Variants in TMEM120B observed in about 807,000 individuals in gnomAD.
TMEM120B encodes transmembrane protein 120B.
A neutral mutation model predicts 55.5 loss-of-function variants in TMEM120B; 31 were observed. That is an observed-to-expected ratio of 0.56 (90% CI 0.42 to 0.75). The LOEUF (loss-of-function observed/expected upper bound fraction) is 0.75, where lower values mean the gene tolerates loss of function less well. TMEM120B is among the 30% of genes least tolerant of loss of function. TMEM120B has a pLI of 0.00. For synonymous variants in TMEM120B, 203 were observed against 176.3 expected (o/e 1.15, Z -1.20); for missense variants, 399 against 425.5 (o/e 0.94, Z 0.55).
At chr12:121,738,766 C>A (rs1199171286) in intron 1 of TMEM120B, among the ~76,000 whole-genome samples, 5 of 152,196 alleles carry the variant, frequency 3.3e-5, no homozygotes, top group Non-Finnish European at 7.3e-5. Context: ...CTGGCAGGAG[C>A]CACTAATAAG....
chr12:121,723,190 G>A (rs1894830111), intron 1 of TMEM120B, among the ~76,000 whole-genome samples: 1 of 151,950 alleles, frequency 6.6e-6, no homozygotes, highest in South Asian at 2.1e-4. Flanking sequence ...TAAGAGAGAG[G>A]GGGGTCTAAC....
At chr12:121,717,150 TC>T (rs140628450) in intron 1 of TMEM120B, among the ~76,000 whole-genome samples, 1 of 152,284 alleles carries the variant, frequency 6.6e-6, no homozygotes, top group African/African-American at 2.4e-5. Flanking sequence ...GCTCCTGGTC[TC>T]CTGGCCTGTG....
chr12:121,781,475 C>A lies in TMEM120B; in HGVS notation c.*5753C>A. 2.7e-6 allele frequency: 1 copy of A among 373,144 alleles called. No homozygotes were observed. The highest frequency in any genetic ancestry group is 5.0e-6 in the Non-Finnish European group (1 of 199,028). 23.1% of individuals were successfully genotyped at this position (373,144 alleles called of 1,614,324 possible). A position where few individuals can be genotyped will look rare whatever the true frequency, so the allele number is the denominator to read the frequency against. ...GACAGAGCGAGACCCTGTCTCTTAA[C>A]AACAAAACCCATGAGCGGCAGCCCC... is the stretch of plus-strand genomic sequence containing the variant. On this transcript the variant is annotated 3_prime_UTR_variant, in exon 12 of 12. Coordinates refer to ENST00000449592, the MANE Select transcript of TMEM120B (RefSeq NM_001080825.2).
chr12:121,729,230 T>C (rs1010504493), intron 1 of TMEM120B, among the ~76,000 whole-genome samples: 21 of 152,346 alleles, frequency 1.4e-4, no homozygotes, highest in African/African-American at 5.0e-4. Flanking sequence ...CCAAGGTTGC[T>C]TGGAGGCTTG....
chr12:121,761,562 T>C, intron 5 of TMEM120B, 87 bp from the exon 6 acceptor site: 1 of 995,516 alleles, frequency 1.0e-6, no homozygotes, highest in Admixed American at 1.8e-5. Context: ...GCCCTCAGCC[T>C]GGTTTGCTGC....
chr12:121,750,871 A>C (rs1592938299), intron 4 of TMEM120B, among the ~76,000 whole-genome samples: 1 of 66,418 alleles, frequency 1.5e-5, no homozygotes. Context: ...CCCCACACCC[A>C]CACCACACAC....
intron 2 of TMEM120B, among the ~76,000 whole-genome samples, chr12:121,746,957 CA>C (rs57485968): frequency 0.11 from 13,154 of 119,122 alleles, 993 homozygotes; most frequent in African/African-American, 0.25. Context: ...GACTCTGTCT[CA>C]AAAAAAAAAA....
chr12:121,728,217 C>A (rs1016140391), intron 1 of TMEM120B, among the ~76,000 whole-genome samples: 1 of 151,564 alleles, frequency 6.6e-6, no homozygotes, highest in Non-Finnish European at 1.5e-5. Flanking sequence ...AGGCCGGGCA[C>A]GGTGGCTCAC....
intron 6 of TMEM120B, among the ~76,000 whole-genome samples, chr12:121,766,243 C>T (rs1288132548): frequency 2.6e-5 from 4 of 152,104 alleles, no homozygotes; most frequent in Admixed American, 6.5e-5. Flanking sequence ...AAGCCACCCT[C>T]GGTTTGTGTC....
chr12:121,773,332 C>T, intron 8 of TMEM120B, 89 bp from the exon 9 acceptor site: 2 of 1,213,224 alleles, frequency 1.6e-6, no homozygotes, highest in Non-Finnish European at 2.4e-6. Context: ...CCAGTAAAGA[C>T]CCATCAGCCT....
chr12:121,741,733 A>G (rs2137117769), intron 1 of TMEM120B, among the ~76,000 whole-genome samples: 1 of 152,152 alleles, frequency 6.6e-6, no homozygotes, highest in South Asian at 2.1e-4. Context: ...CCTGGGTTCA[A>G]GCAATTCTCA....
At chr12:121,714,708 C>T (rs986193235) in intron 1 of TMEM120B, among the ~76,000 whole-genome samples, 10 of 151,066 alleles carry the variant, frequency 6.6e-5, no homozygotes, top group African/African-American at 1.5e-4. Flanking sequence ...ATTATAGGTG[C>T]GCGCCACCAT....
At position 121,775,016 on chromosome 12, in the gene TMEM120B, G is replaced by A. The variant is rs573925539; in HGVS notation, c.838-46G>A. On this transcript the variant is annotated intron_variant, in intron 10 of 11. Transcript: ENST00000449592. The surrounding 1 kb of genome is among the most constrained non-coding windows in gnomAD (Gnocchi z 4.3). ...CATCACCCTGGCTTTCTACGTGGCCGGCCAGGGGAGTCTGGTGGGTGAGCA... is the reference window on the plus strand; with the variant it reads ...CATCACCCTGGCTTTCTACGTGGCCAGCCAGGGGAGTCTGGTGGGTGAGCA... The A allele has an allele frequency of 5.6e-6, 9 of 1,607,282 alleles. No individual in the cohort carries two copies. Among genetic ancestry groups the A allele is most frequent in the African/African-American group, 5.3e-5 (4 of 74,884 alleles).
In TMEM120B at chr12:121,778,450, CAAAAAAA is replaced by C. The variant is rs35474958; in HGVS notation, c.*2743_*2749del. On this transcript the variant is annotated 3_prime_UTR_variant, in exon 12 of 12. Coordinates refer to ENST00000449592, the MANE Select transcript of TMEM120B (RefSeq NM_001080825.2). Reference sequence around the variant, plus strand: ...TGAGTGACAGAATGAGACTCTGTCCCAAAAAAAAAAAAAAAAAAAAATTCCCAGACCC... The same window carrying C: ...TGAGTGACAGAATGAGACTCTGTCCCAAAAAAAAAAAAAATTCCCAGACCC... The C allele has an allele frequency of 1.1e-5, 1 of 89,498 alleles. No homozygotes were observed. Among genetic ancestry groups the C allele is most frequent in the Non-Finnish European group, 2.4e-5 (1 of 41,104 alleles). The allele number at this position is 89,498 out of a possible 1,614,324, so 5.5% of individuals were successfully genotyped here.
Position 121,775,927 on chromosome 12 carries a change from GT to G in TMEM120B, c.*206del. The G allele has an allele frequency of 1.6e-6, 1 of 620,312 alleles. No homozygotes were observed. The highest frequency in any genetic ancestry group is 1.9e-5 in the South Asian group (1 of 52,494). 38.4% of individuals were successfully genotyped at this position (620,312 alleles called of 1,614,324 possible). Reference sequence around the variant, plus strand: ...CTATTTATGACATATTTAATGCTGGGTCCCCCATCGTCCCTGGAACCCGAGG... The same window carrying G: ...CTATTTATGACATATTTAATGCTGGGCCCCCATCGTCCCTGGAACCCGAGG... On this transcript the variant is annotated 3_prime_UTR_variant, in exon 12 of 12. Coordinates refer to ENST00000449592, the MANE Select transcript of TMEM120B (RefSeq NM_001080825.2). This position sits in a 1 kb window ranked among gnomAD's most constrained non-coding sequence, Gnocchi z 4.3.
Position 121,739,424 on chromosome 12 carries a change from C to G in TMEM120B, c.70-4205C>G, listed in dbSNP as rs181038211. Among the ~76,000 whole-genome samples the G allele has an allele frequency of 2.1e-3, 323 of 152,104 alleles. 3 individuals carry two copies. The highest frequency in any genetic ancestry group is 7.6e-3 in the African/African-American group (315 of 41,516). ...CGTTACATTTTCTAGACAATTGACC[C>G]TTGAACAAGGTGGGGTTAGGGGTGC... On this transcript the variant is annotated intron_variant, in intron 1 of 11. Transcript: ENST00000449592.
At chr12:121,736,327 GTT>G (rs200851425) in intron 1 of TMEM120B, among the ~76,000 whole-genome samples, 10 of 137,144 alleles carry the variant, frequency 7.3e-5, no homozygotes, top group South Asian at 2.3e-4. Context: ...ATTGTTTGGT[GTT>G]TTTTTTTTTT....
At chr12:121,741,249 C>A (rs907007566) in intron 1 of TMEM120B, among the ~76,000 whole-genome samples, 2 of 152,132 alleles carry the variant, frequency 1.3e-5, no homozygotes, top group Non-Finnish European at 2.9e-5. Flanking sequence ...CATGATGGAA[C>A]AGCTAGTGAA....
intron 5 of TMEM120B, chr12:121,758,721 G>C (rs1873565636): frequency 9.2e-6 from 9 of 978,662 alleles, no homozygotes; most frequent in Non-Finnish European, 1.1e-5. Flanking sequence ...GGACGGCCCA[G>C]CTCCACGCTG....
Sources: gnomAD v4.1 joint callset for allele counts (sites outside exome capture counted in the v4.1 genomes callset) on GRCh38, gnomAD v4.1.1 for gene constraint, Gnocchi (gnomAD v3.1) non-coding constraint, MANE v1.5 for transcripts, NCBI Gene and HGNC (gene_info 2026-07-23, HGNC 2026-07-21) for gene names.